COA1: variants seen among roughly 807,000 people sequenced by gnomAD.
COA1 encodes the protein cytochrome c oxidase assembly factor 1.
COA1 carries 13 observed loss-of-function variants against 16.0 expected under a neutral mutation model. The observed-to-expected ratio is 0.81, with a 90% CI of 0.53 to 1.29. The LOEUF (loss-of-function observed/expected upper bound fraction) is 1.29. COA1 is among the 50% of genes most tolerant of loss of function. COA1 has a pLI of 0.00. For missense variants in COA1, 179 were observed against 177.0 expected, an observed-to-expected ratio of 1.01 and a Z score of -0.06; for synonymous variants, 65 against 65.7, an observed-to-expected ratio of 0.99 and a Z score of 0.05.
chr7:43,677,569 A>C (rs1238495624), intron 1 of COA1, among the ~76,000 whole-genome samples: 1 of 152,062 alleles, frequency 6.6e-6, no homozygotes, highest in East Asian at 1.9e-4. Flanking sequence ...GAGGCCAAGA[A>C]GGGTGGATCA....
chr7:43,675,656 G>T (rs962896267), intron 1 of COA1, among the ~76,000 whole-genome samples: 2 of 151,922 alleles, frequency 1.3e-5, no homozygotes, highest in African/African-American at 4.8e-5. Flanking sequence ...TAGCATAGAG[G>T]TATATTAATT....
chr7:43,728,198 T>A (rs950242000), intron 1 of COA1, among the ~76,000 whole-genome samples: 3 of 152,098 alleles, frequency 2.0e-5, no homozygotes, highest in African/African-American at 7.2e-5. Flanking sequence ...ACGGTCTTGA[T>A]CTCCTGACCT....
chr7:43,708,628 T>TA (rs1324015573), intron 1 of COA1, among the ~76,000 whole-genome samples: 2 of 152,240 alleles, frequency 1.3e-5, no homozygotes, highest in Non-Finnish European at 2.9e-5. Context: ...TTCTTATTTT[T>TA]ACTGGCCACT....
intron 1 of COA1, among the ~76,000 whole-genome samples, chr7:43,672,144 T>C (rs542946359): frequency 9.9e-5 from 15 of 152,026 alleles, no homozygotes; most frequent in Admixed American, 3.9e-4. Flanking sequence ...TTTGAAAAAA[T>C]TGAAGGATGG....
At chr7:43,641,380 T>C (rs2087050552) in intron 4 of COA1, 1 of 151,508 alleles carries the variant, frequency 6.6e-6, no homozygotes, top group Admixed American at 6.6e-5. Context: ...ATATATGTGC[T>C]TATGTGTATG....
chr7:43,641,463 T>C (rs1488153898), intron 4 of COA1: 1 of 152,220 alleles, frequency 6.6e-6, no homozygotes, highest in Admixed American at 6.5e-5. Flanking sequence ...AATCCAATTG[T>C]AGAATCCAGG....
downstream of COA1, chr7:43,638,656 G>A (rs918314236): frequency 5.6e-5 from 8 of 143,090 alleles, no homozygotes; most frequent in Non-Finnish European, 1.0e-4. Context: ...GCTCACTGCA[G>A]CCTCTGCCTC....
At chr7:43,630,112 A>C (rs770356518) in intron 6 of COA1, among the ~76,000 whole-genome samples, 2 of 152,200 alleles carry the variant, frequency 1.3e-5, no homozygotes, top group Non-Finnish European at 2.9e-5. Flanking sequence ...CAGTTGTGAC[A>C]GAGATCTGAA....
rs144600524 is a variant in COA1 at position 43,639,659 on chromosome 7, A to G, written c.364T>C (p.Leu122=). 2.2e-3 allele frequency: 3,520 copies of G among 1,614,082 alleles called. 6 individuals carry two copies. The highest frequency in any genetic ancestry group is 2.7e-3 in the Admixed American group (162 of 60,034). The change falls in exon 6 of 6, where the codon TTA becomes CTA. Residue 122 remains leucine (L), a synonymous_variant. Coordinates refer to ENST00000223336, the MANE Select transcript of COA1 (RefSeq NM_018224.4). ...ATCTGCTGACCATCCTTGAGCTCTA[A>G]AAAGACCTCGTCAAGGTGCCACCTG... ...FQRWHLDEVF[L]ELKDGQQIPV...
At chr7:43,634,147 A>G (rs1011973670) in intron 6 of COA1, among the ~76,000 whole-genome samples, 1 of 151,906 alleles carries the variant, frequency 6.6e-6, no homozygotes, top group Non-Finnish European at 1.5e-5. Context: ...CTGCTTCAAA[A>G]TCCTTGTCAG....
At chr7:43,700,527 C>CATATATATAT (rs371169314) in intron 1 of COA1, among the ~76,000 whole-genome samples, 131 of 139,190 alleles carry the variant, frequency 9.4e-4, no homozygotes, top group East Asian at 4.4e-3. Context: ...AAAATGTAGG[C>CATATATATAT]AGATATATAT....
At chr7:43,727,266 C>T (rs370523483) in intron 1 of COA1, among the ~76,000 whole-genome samples, 2 of 152,108 alleles carry the variant, frequency 1.3e-5, no homozygotes, top group Admixed American at 6.6e-5. Context: ...ACTACTGGTG[C>T]GAATGTTAAA....
chr7:43,644,817 G>GAGAGAGAGAGAGACAGAGAGAGAGAGAC lies in COA1; in HGVS notation c.264+433_264+434insGTCTCTCTCTCTCTGTCTCTCTCTCTCT, dbSNP rs1554501887. ...AGAGAGACAGAGAGAGAGAGAGAGA[G>GAGAGAGAGAGAGACAGAGAGAGAGAGAC]AGAGAGAGAGAGAGAGACAGGGTCT... On this transcript the variant is annotated intron_variant, in intron 4 of 5. Transcript: ENST00000223336. Among the ~76,000 whole-genome samples the GAGAGAGAGAGAGACAGAGAGAGAGAGAC allele has an allele frequency of 4.0e-3, 507 of 126,718 alleles. 37 individuals carry two copies. The highest frequency in any genetic ancestry group is 8.0e-3 in the Non-Finnish European group (416 of 52,148). 83.1% of individuals were successfully genotyped at this position (126,718 alleles called of 152,430 possible). A position where few individuals can be genotyped will look rare whatever the true frequency, so the allele number is the denominator to read the frequency against.
chr7:43,620,878 G>A (rs1397999796), intron 6 of COA1, among the ~76,000 whole-genome samples: 10 of 152,262 alleles, frequency 6.6e-5, no homozygotes, highest in Middle Eastern at 3.4e-3. Context: ...GAGGGCGGCC[G>A]TGGCAGGAAT....
chr7:43,722,439 G>A (rs143785208), intron 1 of COA1, among the ~76,000 whole-genome samples: 8 of 151,346 alleles, frequency 5.3e-5, no homozygotes, highest in African/African-American at 1.9e-4. Context: ...TCGTTCTATC[G>A]CCCAGGCTAG....
chr7:43,663,591 C>A (rs2092639949), intron 1 of COA1, among the ~76,000 whole-genome samples: 1 of 150,116 alleles, frequency 6.7e-6, no homozygotes, highest in Admixed American at 6.6e-5. Flanking sequence ...ATCACTTGAG[C>A]CCAAGAGTTT....
rs12532667 is a variant in COA1 at position 43,633,906 on chromosome 7, T to C, written c.*133+5543A>G. Among the ~76,000 whole-genome samples the C allele has an allele frequency of 4.5e-4, 69 of 152,278 alleles. 1 individual carries two copies. Among genetic ancestry groups the C allele is most frequent in the Admixed American group, 4.1e-3 (62 of 15,298 alleles). On this transcript the variant is annotated intron_variant and NMD_transcript_variant, in intron 6 of 6. Coordinates refer to the COA1 transcript ENST00000415076. ...TTAGCTAGAGGCCCACAGGTACCAA[T>C]TGCAGTCTGTTTTCTCCGCTCAGAT...
intron 3 of COA1, chr7:43,646,347 C>G (rs2089292005): frequency 2.9e-6 from 1 of 341,854 alleles, no homozygotes. Flanking sequence ...GCACTGTTCT[C>G]AATATTCCAC....
At chr7:43,728,206 C>T (rs1045895274) in intron 1 of COA1, among the ~76,000 whole-genome samples, 1 of 152,146 alleles carries the variant, frequency 6.6e-6, no homozygotes, top group Non-Finnish European at 1.5e-5. Flanking sequence ...GATCTCCTGA[C>T]CTCGTGATCC....
Sources: allele counts gnomAD v4.1 joint callset (sites outside exome capture counted in the v4.1 genomes callset), GRCh38; gene constraint gnomAD v4.1.1; transcripts MANE v1.5; gene names NCBI Gene and HGNC (gene_info 2026-07-23, HGNC 2026-07-21).